The following PTPRD variants were observed in gnomAD, a reference collection of about 807,000 sequenced individuals.
PTPRD encodes receptor-type tyrosine-protein phosphatase delta.
A neutral mutation model predicts 214.5 loss-of-function variants in PTPRD; 34 were observed. The observed-to-expected ratio is 0.16, with a 90% CI of 0.12 to 0.21. The LOEUF is 0.21. PTPRD is among the 10% of genes least tolerant of loss of function. PTPRD has a pLI of 1.00. For synonymous variants in PTPRD, 1,128 were observed against 845.7 expected (o/e 1.33, Z -5.79); for missense variants, 2,545 against 2,398.7 (o/e 1.06, Z -1.27).
intron 9 of PTPRD, among the ~76,000 whole-genome samples, chr9:9,382,495 C>T (rs1272791185): frequency 1.3e-5 from 2 of 151,998 alleles, no homozygotes; most frequent in Admixed American, 1.3e-4. Flanking sequence ...ACACAAATAA[C>T]CCAAATAGAA....
In PTPRD at chr9:8,471,069, T is replaced by A. The variant is rs2134951912; in HGVS notation, c.3430A>T (p.Ile1144Phe). The A allele has an allele frequency of 6.2e-7, 1 of 1,613,280 alleles. No individual in the cohort carries two copies. Among genetic ancestry groups the A allele is most frequent in the Non-Finnish European group, 8.5e-7 (1 of 1,179,368 alleles). ...CCGCGAGATTTCTTCAAAGGCACAATTATTATGTAGTAACCTCTGCACAAG... is the reference window on the plus strand; with the variant it reads ...CCGCGAGATTTCTTCAAAGGCACAAATATTATGTAGTAACCTCTGCACAAG... ...NENIKGYYIIIVPLKKSRGKF... is the reference protein window; with the variant it reads ...NENIKGYYIIFVPLKKSRGKF... Residue 1144 changes from isoleucine (I) to phenylalanine (F), a missense_variant, in exon 31 of 46, where the codon ATT (isoleucine) becomes TTT (phenylalanine). Coordinates refer to ENST00000381196, the MANE Select transcript of PTPRD (RefSeq NM_002839.4).
At chr9:8,520,768 A>G (rs182089872) in intron 20 of PTPRD, among the ~76,000 whole-genome samples, 2 of 152,308 alleles carry the variant, frequency 1.3e-5, no homozygotes, top group Admixed American at 1.3e-4. Context: ...ACAACAGAAT[A>G]TACTCTTACT....
intron 2 of PTPRD, among the ~76,000 whole-genome samples, chr9:10,395,193 C>T (rs2154493160): frequency 6.6e-6 from 1 of 151,266 alleles, no homozygotes; most frequent in South Asian, 2.1e-4. Context: ...TGTTGGTGTG[C>T]TGCACCCATT....
intron 3 of PTPRD, among the ~76,000 whole-genome samples, chr9:10,151,948 G>A (rs1326340310): frequency 6.6e-6 from 1 of 152,150 alleles, no homozygotes; most frequent in African/African-American, 2.4e-5. Flanking sequence ...ATGAACTGAA[G>A]GATATTTAGG....
intron 27 of PTPRD, among the ~76,000 whole-genome samples, chr9:8,487,029 G>A (rs1467437691): frequency 6.6e-6 from 1 of 151,838 alleles, no homozygotes; most frequent in African/African-American, 2.4e-5. Flanking sequence ...ATATCGTATT[G>A]ACTTACTATG....
chr9:9,798,154 A>C lies in PTPRD; in HGVS notation c.-367-31303T>G, dbSNP rs1001717218. 3.9e-5 allele frequency among the ~76,000 whole-genome samples: 6 copies of C among 152,098 alleles called. No individual in the cohort carries two copies. In the East Asian group the frequency reaches 9.7e-4, roughly 24 times the overall value. ...TGTCTGATAATCATAAATTTTAATAAATTAATAAATACTATGTTATTTTCT... is the reference window on the plus strand; with the variant it reads ...TGTCTGATAATCATAAATTTTAATACATTAATAAATACTATGTTATTTTCT... On this transcript the variant is annotated intron_variant, in intron 5 of 45. Transcript: ENST00000381196.
At chr9:10,124,470 A>G (rs1328938069) in intron 3 of PTPRD, among the ~76,000 whole-genome samples, 1 of 152,120 alleles carries the variant, frequency 6.6e-6, no homozygotes, top group Non-Finnish European at 1.5e-5. Flanking sequence ...GTTTGGCCAC[A>G]TGCTCTGAAA....
At chr9:9,639,038 C>T (rs1005423491) in intron 7 of PTPRD, among the ~76,000 whole-genome samples, 8 of 152,176 alleles carry the variant, frequency 5.3e-5, no homozygotes, top group African/African-American at 1.4e-4. Flanking sequence ...CTGTTGCATT[C>T]GGAATTAAAT....
chr9:10,501,925 T>C (rs1052531543), intron 2 of PTPRD, among the ~76,000 whole-genome samples: 3 of 151,950 alleles, frequency 2.0e-5, no homozygotes, highest in African/African-American at 7.2e-5. Context: ...CCCTGAGAGA[T>C]ACTGATTTAC....
chr9:10,119,218 C>A (rs981382545), intron 3 of PTPRD, among the ~76,000 whole-genome samples: 29 of 151,824 alleles, frequency 1.9e-4, no homozygotes, highest in African/African-American at 6.8e-4. Flanking sequence ...TTAACTATTA[C>A]AATCAAACCC....
At chr9:9,749,467 G>A (rs1257758542) in intron 6 of PTPRD, among the ~76,000 whole-genome samples, 1 of 152,022 alleles carries the variant, frequency 6.6e-6, no homozygotes, top group African/African-American at 2.4e-5. Context: ...ATTATTTATT[G>A]ATCCCCTAAA....
At chr9:9,701,208 T>G (rs968346107) in intron 7 of PTPRD, among the ~76,000 whole-genome samples, 9 of 152,170 alleles carry the variant, frequency 5.9e-5, no homozygotes, top group African/African-American at 2.2e-4. Context: ...GGAAGCCATT[T>G]TGGGAGGTAA....
At chr9:9,779,928 G>C (rs1460822523) in intron 5 of PTPRD, among the ~76,000 whole-genome samples, 2 of 152,084 alleles carry the variant, frequency 1.3e-5, no homozygotes, top group East Asian at 1.9e-4. Context: ...AAGAAAATAG[G>C]TCATTATGCC....
intron 9 of PTPRD, among the ~76,000 whole-genome samples, chr9:9,360,339 T>C (rs2055597491): frequency 6.6e-6 from 1 of 150,810 alleles, no homozygotes; most frequent in Admixed American, 6.6e-5. Context: ...CAGAAGCAAA[T>C]AATAGGAAAA....
intron 5 of PTPRD, among the ~76,000 whole-genome samples, chr9:9,789,600 A>G (rs1421828266): frequency 6.6e-6 from 1 of 151,746 alleles, no homozygotes; most frequent in Non-Finnish European, 1.5e-5. Context: ...GATCAAGACT[A>G]TCCTGGCTAA....
At chr9:8,564,080 C>T (rs762498957) in intron 14 of PTPRD, among the ~76,000 whole-genome samples, 2 of 152,316 alleles carry the variant, frequency 1.3e-5, no homozygotes, top group Non-Finnish European at 2.9e-5. Flanking sequence ...GTACGATACT[C>T]TCTGGTGATG....
At chr9:9,262,166 A>G (rs2099980411) in intron 9 of PTPRD, among the ~76,000 whole-genome samples, 1 of 151,640 alleles carries the variant, frequency 6.6e-6, no homozygotes, top group Non-Finnish European at 1.5e-5. Context: ...AAGCAATATT[A>G]GAATAAAAAA....
At chr9:8,551,201 C>T (rs374019382) in intron 14 of PTPRD, among the ~76,000 whole-genome samples, 1 of 152,186 alleles carries the variant, frequency 6.6e-6, no homozygotes, top group African/African-American at 2.4e-5. Flanking sequence ...ACTTTAACCT[C>T]CGTAGGCATT....
At chr9:9,116,752 G>A (rs1027350853) in intron 10 of PTPRD, among the ~76,000 whole-genome samples, 1 of 152,000 alleles carries the variant, frequency 6.6e-6, no homozygotes, top group African/African-American at 2.4e-5. Flanking sequence ...AATCTTCCTT[G>A]CACAGAAAAT....
Sources: allele counts gnomAD v4.1 joint callset (sites outside exome capture counted in the v4.1 genomes callset), GRCh38; gene constraint gnomAD v4.1.1; transcripts MANE v1.5; gene names NCBI Gene and HGNC (gene_info 2026-07-23, HGNC 2026-07-21).